ATP1A3: variants seen among roughly 807,000 people sequenced by gnomAD.
The protein encoded by ATP1A3 is ATPase Na+/K+ transporting subunit alpha 3.
Under a neutral mutation model 108.8 loss-of-function variants are expected in ATP1A3, and 12 were observed. The ratio of observed to expected loss-of-function variants is 0.11; its 90% CI spans 0.07 to 0.18. The LOEUF (loss-of-function observed/expected upper bound fraction) is 0.18, where lower values mean the gene tolerates loss of function less well. ATP1A3 is among the 10% of genes least tolerant of loss of function. The probability of loss-of-function intolerance (pLI) is 1.00; values close to 1 mark genes in which losing one functional copy is unlikely to be tolerated. For missense variants in ATP1A3, 498 were observed against 1,387.7 expected, an observed-to-expected ratio of 0.36 and a Z score of 10.19; for synonymous variants, 539 against 564.5, an observed-to-expected ratio of 0.95 and a Z score of 0.64.
In ATP1A3 at chr19:41,976,640, A is replaced by G. The variant is rs1205853679; in HGVS notation, c.1944-74T>C. The G allele has an allele frequency of 2.5e-6, 4 of 1,599,858 alleles. No individual in the cohort carries two copies. In the East Asian group the frequency reaches 9.0e-5, roughly 36 times the overall value. ...TGGCAAAGTGATCCCTGAAAGACAG[A>G]GAAACAGAGGGGCCAGCCCCACAAC... On this transcript the variant is annotated intron_variant, in intron 14 of 22. Coordinates refer to ENST00000648268, the MANE Select transcript of ATP1A3 (RefSeq NM_152296.5).
intron 16 of ATP1A3, among the ~76,000 whole-genome samples, chr19:41,974,589 A>C (rs2075146452): frequency 6.6e-6 from 1 of 152,192 alleles, no homozygotes; most frequent in Non-Finnish European, 1.5e-5. Context: ...TTTTACCATG[A>C]ACTACTTTTT....
chr19:41,987,844 G>A (rs1220086525), intron 4 of ATP1A3, 92 bp downstream of exon 4: 4 of 1,483,840 alleles, frequency 2.7e-6, no homozygotes, highest in South Asian at 1.1e-5. Context: ...AGAGTGGGCT[G>A]TGAAAAGCTT....
intron 19 of ATP1A3, among the ~76,000 whole-genome samples, 189 bp from the exon 20 acceptor site, chr19:41,969,104 G>A (rs2145945218): frequency 6.6e-6 from 1 of 152,296 alleles, no homozygotes; most frequent in Non-Finnish European, 1.5e-5. Flanking sequence ...GAAGAAGAAA[G>A]GTTAATGGTG....
rs782249848 is a variant in ATP1A3 at position 41,967,385 on chromosome 19, A to C, written c.2922-45T>G. ...AGGGCTTGAGTGCGGGGCCCTAACGAGAGGCAGAGTTTCAGGGGACTGGAG... is the reference window on the plus strand; with the variant it reads ...AGGGCTTGAGTGCGGGGCCCTAACGCGAGGCAGAGTTTCAGGGGACTGGAG... On this transcript the variant is annotated intron_variant, in intron 21 of 22. Coordinates refer to ENST00000648268, the MANE Select transcript of ATP1A3 (RefSeq NM_152296.5). This position sits in a 1 kb window ranked among gnomAD's most constrained non-coding sequence, Gnocchi z 4.2. The C allele has an allele frequency of 1.3e-6, 2 of 1,583,646 alleles. No individual in the cohort carries two copies. The highest frequency in any genetic ancestry group is 1.7e-6 in the Non-Finnish European group (2 of 1,165,634).
chr19:41,986,886 G>T (rs578140222), intron 4 of ATP1A3, among the ~76,000 whole-genome samples: 3 of 152,108 alleles, frequency 2.0e-5, no homozygotes, highest in African/African-American at 7.2e-5. Context: ...AGGACTACAG[G>T]TGTGCGCCAC....
rs554237072 is a variant in ATP1A3, at chr19:41,969,512, C to T, written c.2611G>A (p.Gly871Ser). The change falls in exon 19 of 23, where the codon GGC (glycine) becomes AGC (serine). Residue 871 changes from glycine (G) to serine (S), a missense_variant. Around this residue, in one of 9 missense-constraint regions of ATP1A3, gnomAD observed 121 missense variants for 425.1 expected, o/e 0.28. Coordinates refer to ENST00000648268, the MANE Select transcript of ATP1A3 (RefSeq NM_152296.5). Reference sequence around the variant, plus strand: ...TTCAGCCGGATGCCCACCAGGTTGCCGGGCAAGAAGCCATTTTCTGCCAGG... The same window carrying T: ...TTCAGCCGGATGCCCACCAGGTTGCTGGGCAAGAAGCCATTTTCTGCCAGG... ...VILAENGFLP[G>S]NLVGIRLNWD... The T allele has an allele frequency of 1.8e-5, 29 of 1,614,124 alleles. No homozygotes were observed. The highest frequency in any genetic ancestry group is 1.1e-4 in the East Asian group (5 of 44,880).
Position 41,988,566 on chromosome 19 carries a change from C to G in ATP1A3, c.7-4G>C. 1 of 1,614,106 alleles carries G rather than the reference C, an allele frequency of 6.2e-7. No homozygotes were observed. The highest frequency in any genetic ancestry group is 8.5e-7 in the Non-Finnish European group (1 of 1,180,022). ...AGTCCTTGTCATCTTTCTTGTCCTGCGAGGTGGCGATACGATAGCTGTCAG... is the reference window on the plus strand; with the variant it reads ...AGTCCTTGTCATCTTTCTTGTCCTGGGAGGTGGCGATACGATAGCTGTCAG... On this transcript the variant is annotated splice_polypyrimidine_tract_variant and splice_region_variant and intron_variant, in intron 1 of 22. Transcript: ENST00000648268. The surrounding 1 kb of genome is among the most constrained non-coding windows in gnomAD (Gnocchi z 5.3).
At position 41,982,096 on chromosome 19, in the gene ATP1A3, G is replaced by A. The variant is rs1131691940; in HGVS notation, c.1004C>T (p.Thr335Met). 1.2e-6 allele frequency: 2 copies of A among 1,614,138 alleles called. No individual in the cohort carries two copies. The highest frequency in any genetic ancestry group is 1.7e-5 in the Admixed American group (1 of 60,004). ...GLLATVTVCL[T>M]LTAKRMARKN... ...CCGGGCCATGCGCTTGGCGGTCAGC[G>A]TCAGACACACCTGGAGGACGAGCAA... Residue 335 changes from threonine to methionine, a missense_variant, in exon 9 of 23, where the codon ACG becomes ATG. Around this residue, in one of 9 missense-constraint regions of ATP1A3, gnomAD observed 127 missense variants for 464.0 expected, o/e 0.27. Coordinates refer to ENST00000648268, the MANE Select transcript of ATP1A3 (RefSeq NM_152296.5).
chr19:41,971,814 C>A (rs1487648213), intron 16 of ATP1A3, among the ~76,000 whole-genome samples: 1 of 152,060 alleles, frequency 6.6e-6, no homozygotes, highest in Non-Finnish European at 1.5e-5. Flanking sequence ...CTGGTGGTTG[C>A]ATGGCTGTGT....
chr19:41,987,275 C>A (rs1303054002), intron 4 of ATP1A3, among the ~76,000 whole-genome samples: 5 of 152,090 alleles, frequency 3.3e-5, no homozygotes, highest in African/African-American at 1.2e-4. Flanking sequence ...ACTCTCTGTG[C>A]CTGACTCTCA....
intron 5 of ATP1A3, 54 bp downstream of exon 5, chr19:41,986,062 C>G (rs1017049991): frequency 5.3e-5 from 86 of 1,614,044 alleles, no homozygotes; most frequent in Non-Finnish European, 6.8e-5. Context: ...CTGGGCCCGG[C>G]CCCCAGCCCA....
Position 41,967,279 on chromosome 19 carries a change from G to A in ATP1A3, c.2983C>T (p.Arg995Cys). The A allele has an allele frequency of 6.2e-7, 1 of 1,613,812 alleles. No individual in the cohort carries two copies. The highest frequency in any genetic ancestry group is 2.2e-5 in the East Asian group (1 of 44,876). Residue 995 changes from arginine to cysteine, a missense_variant, in exon 22 of 23, where the codon CGC becomes TGC. Coordinates refer to ENST00000648268, the MANE Select transcript of ATP1A3 (RefSeq NM_152296.5). The surrounding 1 kb of genome is among the most constrained non-coding windows in gnomAD (Gnocchi z 4.2). ...GGGTTCCTGCGCAGGATGAGTTTGCGGATTTCGTCGTAGACGAAGATGAGG... is the reference window on the plus strand; with the variant it reads ...GGGTTCCTGCGCAGGATGAGTTTGCAGATTTCGTCGTAGACGAAGATGAGG... ...SFLIFVYDEI[R>C]KLILRRNPGG...
At position 41,978,113 on chromosome 19, in the gene ATP1A3, C is replaced by A. The variant is rs202091721; in HGVS notation, c.1806+38G>T. On this transcript the variant is annotated intron_variant, in intron 13 of 22. Coordinates refer to ENST00000648268, the MANE Select transcript of ATP1A3 (RefSeq NM_152296.5). This position sits in a 1 kb window ranked among gnomAD's most constrained non-coding sequence, Gnocchi z 8.3. ...TTTAGGGATGGCCTCTCCCGCCCCA[C>A]GCCTGGCTTTGCCTCCCCCAGCCAC... The A allele has an allele frequency of 6.2e-7, 1 of 1,614,110 alleles. No individual in the cohort carries two copies. Among genetic ancestry groups the A allele is most frequent in the Non-Finnish European group, 8.5e-7 (1 of 1,180,040 alleles).
intron 16 of ATP1A3, among the ~76,000 whole-genome samples, chr19:41,970,897 G>T (rs1226627853): frequency 6.6e-6 from 1 of 151,964 alleles, no homozygotes; most frequent in Non-Finnish European, 1.5e-5. Flanking sequence ...CTCCTGAAGT[G>T]CTGGGATTAC....
At chr19:41,969,059 C>T (rs2075074556) in intron 19 of ATP1A3, 144 bp from the exon 20 acceptor site, 12 of 1,273,834 alleles carry the variant, frequency 9.4e-6, no homozygotes, top group South Asian at 6.2e-5. Context: ...TCTGCGGGCT[C>T]ATAGTCCCGA....
intron 16 of ATP1A3, among the ~76,000 whole-genome samples, chr19:41,971,643 A>G: frequency 6.6e-6 from 1 of 152,164 alleles, no homozygotes; most frequent in East Asian, 1.9e-4. Context: ...GCCAGACACA[A>G]AAGCATTCTT....
chr19:41,976,600 A>G (rs782772204), intron 14 of ATP1A3, 34 bp from the exon 15 acceptor site: 145 of 1,612,454 alleles, frequency 9.0e-5, no homozygotes, highest in Non-Finnish European at 1.2e-4. Context: ...GGCTGAGGTC[A>G]GGGTGTGTGA....
intron 4 of ATP1A3, chr19:41,986,716 A>T (rs1226996326): frequency 6.0e-6 from 1 of 167,338 alleles, no homozygotes; most frequent in African/African-American, 2.5e-5. Context: ...CTGGGATTAC[A>T]GGTGTGAGCC....
In ATP1A3 at chr19:41,988,449, G is replaced by A. The variant is rs2075306487; in HGVS notation, c.93+27C>T. 1 of 1,614,202 alleles carries A rather than the reference G, an allele frequency of 6.2e-7. No individual in the cohort carries two copies. Among genetic ancestry groups the A allele is most frequent in the Non-Finnish European group, 8.5e-7 (1 of 1,180,034 alleles). Reference sequence around the variant, plus strand: ...AAGAACTGGCGAGGTTCTCTGGGAGGGTGTGCGGGCAGAGGGCGAGGCTTA... The same window carrying A: ...AAGAACTGGCGAGGTTCTCTGGGAGAGTGTGCGGGCAGAGGGCGAGGCTTA... On this transcript the variant is annotated intron_variant, in intron 2 of 22. Coordinates refer to ENST00000648268, the MANE Select transcript of ATP1A3 (RefSeq NM_152296.5). This position sits in a 1 kb window ranked among gnomAD's most constrained non-coding sequence, Gnocchi z 5.3.
Sources: allele counts gnomAD v4.1 joint callset (sites outside exome capture counted in the v4.1 genomes callset), GRCh38; gene constraint gnomAD v4.1.1; regional missense constraint gnomAD v4.1.1; non-coding constraint Gnocchi (gnomAD v3.1); transcripts MANE v1.5; gene names NCBI Gene and HGNC (gene_info 2026-07-23, HGNC 2026-07-21).